Variants in FBXO36 observed in about 807,000 individuals in gnomAD.
FBXO36 encodes the protein F-box protein 36, also known as F-box only protein 36.
Under a neutral mutation model 17.0 loss-of-function variants are expected in FBXO36, and 18 were observed. The ratio of observed to expected loss-of-function variants is 1.06; its 90% confidence interval spans 0.73 to 1.57. The LOEUF (loss-of-function observed/expected upper bound fraction) is 1.57. FBXO36 is among the 40% of genes most tolerant of loss of function. The pLI is 0.00. For synonymous variants in FBXO36, 83 were observed against 85.3 expected, an observed-to-expected ratio of 0.97 and a Z score of 0.15; for missense variants, 229 against 221.9, an observed-to-expected ratio of 1.03 and a Z score of -0.20.
At chr2:229,922,655 G>C (rs763909393) in intron 1 of FBXO36, 46 bp downstream of exon 1, 1 of 1,596,508 alleles carries the variant, frequency 6.3e-7, no homozygotes, top group South Asian at 1.1e-5. Context: ...TCCCTACCTG[G>C]CCCGGTTGGG....
At chr2:229,972,097 G>A (rs1470225043) in intron 1 of FBXO36, among the ~76,000 whole-genome samples, 1 of 150,046 alleles carries the variant, frequency 6.7e-6, no homozygotes, top group Non-Finnish European at 1.5e-5. Context: ...GGGTTCAAGT[G>A]ATTCTCCTGC....
chr2:230,004,860 G>C (rs1302686813), intron 3 of FBXO36, among the ~76,000 whole-genome samples: 1 of 152,076 alleles, frequency 6.6e-6, no homozygotes, highest in Non-Finnish European at 1.5e-5. Flanking sequence ...TACAAAATTA[G>C]CTGGGCATGG....
intron 2 of FBXO36, among the ~76,000 whole-genome samples, chr2:229,994,317 T>TAA (rs2077313969): frequency 6.6e-6 from 1 of 152,200 alleles, no homozygotes; most frequent in Non-Finnish European, 1.5e-5. Flanking sequence ...CCTTGTACTT[T>TAA]AGAGGGGCTT....
At chr2:229,976,039 A>G (rs1178143257) in intron 1 of FBXO36, among the ~76,000 whole-genome samples, 1 of 152,126 alleles carries the variant, frequency 6.6e-6, no homozygotes, top group African/African-American at 2.4e-5. Context: ...TCCTTCTAGC[A>G]CTATGGTTTT....
At chr2:230,001,161 C>T (rs1435430707) in intron 3 of FBXO36, among the ~76,000 whole-genome samples, 1 of 152,072 alleles carries the variant, frequency 6.6e-6, no homozygotes, top group Non-Finnish European at 1.5e-5. Flanking sequence ...ACCCAGCCAA[C>T]CACTTTTTTT....
chr2:229,940,638 C>T (rs941582321), intron 1 of FBXO36, among the ~76,000 whole-genome samples: 6 of 152,152 alleles, frequency 3.9e-5, no homozygotes, highest in African/African-American at 1.4e-4. Context: ...TTATCCAATA[C>T]TACTGGTGTC....
At chr2:230,005,390 C>G (rs2077381871) in intron 3 of FBXO36, among the ~76,000 whole-genome samples, 1 of 152,106 alleles carries the variant, frequency 6.6e-6, no homozygotes, top group Admixed American at 6.6e-5. Context: ...TGTGAGCCAC[C>G]ACACACAGTG....
At chr2:229,942,205 G>A (rs746821441) in intron 1 of FBXO36, among the ~76,000 whole-genome samples, 1 of 152,052 alleles carries the variant, frequency 6.6e-6, no homozygotes, top group Non-Finnish European at 1.5e-5. Flanking sequence ...TCAAGGGTGA[G>A]AGGTAAAATG....
intron 1 of FBXO36, among the ~76,000 whole-genome samples, chr2:229,953,638 C>T (rs997044277): frequency 6.6e-6 from 1 of 151,254 alleles, no homozygotes; most frequent in Non-Finnish European, 1.5e-5. Context: ...TGCCACTGCA[C>T]TCCAGCCTGG....
chr2:229,993,498 C>T lies in FBXO36; in HGVS notation c.206-3253C>T, dbSNP rs150354201. ...CTATTCAGTGTGGGATGGAAATATGCGGGGGTGTAAGTTTAGGAAAAGATA... is the reference window on the plus strand; with the variant it reads ...CTATTCAGTGTGGGATGGAAATATGTGGGGGTGTAAGTTTAGGAAAAGATA... On this transcript the variant is annotated intron_variant, in intron 2 of 3. Coordinates refer to ENST00000283946, the MANE Select transcript of FBXO36 (RefSeq NM_174899.5). Among the ~76,000 whole-genome samples the T allele has an allele frequency of 1.5e-3, 229 of 152,142 alleles. 1 individual carries two copies. Among genetic ancestry groups the T allele is most frequent in the African/African-American group, 5.2e-3 (217 of 41,516 alleles).
At chr2:229,964,599 C>T (rs567388222) in intron 1 of FBXO36, among the ~76,000 whole-genome samples, 2 of 152,236 alleles carry the variant, frequency 1.3e-5, no homozygotes, top group Admixed American at 6.5e-5. Context: ...CGGCTTACCA[C>T]AGCCTCCACC....
At chr2:229,976,212 A>C (rs1192143510) in intron 1 of FBXO36, 29 bp from the exon 2 acceptor site, 11 of 1,523,034 alleles carry the variant, frequency 7.2e-6, no homozygotes, top group Non-Finnish European at 8.9e-6. Flanking sequence ...AATCAATTTT[A>C]ATTCATATCA....
chr2:230,008,850 A>C (rs1397749238), intron 3 of FBXO36, among the ~76,000 whole-genome samples: 2 of 152,226 alleles, frequency 1.3e-5, no homozygotes, highest in Non-Finnish European at 2.9e-5. Flanking sequence ...TGAAGGAGAG[A>C]TAAGATAATG....
chr2:230,011,207 A>T lies in FBXO36; in HGVS notation c.*323A>T, dbSNP rs2106221792. 2 of 176,768 alleles carry T rather than the reference A, an allele frequency of 1.1e-5. No individual in the cohort carries two copies. The highest frequency in any genetic ancestry group is 2.9e-4 in the East Asian group (2 of 7,016). 10.9% of individuals were successfully genotyped at this position (176,768 alleles called of 1,614,324 possible). On this transcript the variant is annotated 3_prime_UTR_variant, in exon 4 of 4. Transcript: ENST00000283946. ...TATAAACAAACAATAAATGATTATTAGCAGGTTTTTATTAGACATCTATTT... is the reference window on the plus strand; with the variant it reads ...TATAAACAAACAATAAATGATTATTTGCAGGTTTTTATTAGACATCTATTT...
chr2:229,936,815 G>A (rs1056002338), intron 1 of FBXO36, among the ~76,000 whole-genome samples: 2 of 152,124 alleles, frequency 1.3e-5, no homozygotes, highest in Non-Finnish European at 2.9e-5. Flanking sequence ...AGGCTACAGC[G>A]AGTCGTGATT....
intron 1 of FBXO36, among the ~76,000 whole-genome samples, chr2:229,967,334 T>C (rs1171872760): frequency 6.6e-6 from 1 of 152,206 alleles, no homozygotes; most frequent in Admixed American, 6.6e-5. Context: ...CAGGGACAAT[T>C]TGACTTCCTC....
chr2:229,957,531 C>T (rs745460722), intron 1 of FBXO36, among the ~76,000 whole-genome samples: 1 of 152,190 alleles, frequency 6.6e-6, no homozygotes, highest in East Asian at 1.9e-4. Flanking sequence ...GAGCCGAGAT[C>T]GCACCATTGC....
chr2:229,931,380 T>C (rs2076937623), intron 1 of FBXO36, among the ~76,000 whole-genome samples: 1 of 152,190 alleles, frequency 6.6e-6, no homozygotes. Flanking sequence ...TATGGGGCAG[T>C]AGAGCACTTA....
At chr2:229,988,841 TTTG>T (rs1267399629) in intron 2 of FBXO36, among the ~76,000 whole-genome samples, 3 of 145,188 alleles carry the variant, frequency 2.1e-5, no homozygotes, top group Non-Finnish European at 4.6e-5. Context: ...TTTTTTTTTT[TTTG>T]TTTTTTTTTT....
Sources: allele counts gnomAD v4.1 joint callset (sites outside exome capture counted in the v4.1 genomes callset), GRCh38; gene constraint gnomAD v4.1.1; transcripts MANE v1.5; gene names NCBI Gene and HGNC (gene_info 2026-07-23, HGNC 2026-07-21).